KHDRBS2: variants seen among roughly 807,000 people sequenced by gnomAD.
KHDRBS2 encodes KH domain-containing, RNA-binding, signal transduction-associated protein 2.
A neutral mutation model predicts 44.3 loss-of-function variants in KHDRBS2; 26 were observed. That is an observed-to-expected ratio of 0.59 (90% CI 0.43 to 0.81). The LOEUF (loss-of-function observed/expected upper bound fraction) is 0.81. KHDRBS2 is among the 40% of genes least tolerant of loss of function. KHDRBS2 has a pLI of 0.00. For synonymous variants in KHDRBS2, 194 were observed against 151.1 expected (o/e 1.28, Z -2.08); for missense variants, 476 against 433.1 (o/e 1.10, Z -0.88).
intron 2 of KHDRBS2, among the ~76,000 whole-genome samples, chr6:62,163,295 C>A (rs1420402509): frequency 1.3e-5 from 2 of 151,954 alleles, no homozygotes; most frequent in Non-Finnish European, 2.9e-5. Context: ...GCAAAACCAG[C>A]ACCAGTGGAA....
chr6:62,073,970 G>A (rs149621317), intron 2 of KHDRBS2, among the ~76,000 whole-genome samples: 2 of 151,802 alleles, frequency 1.3e-5, no homozygotes, highest in Non-Finnish European at 2.9e-5. Flanking sequence ...AACTGAGTGG[G>A]GATCCACTTT....
intron 6 of KHDRBS2, among the ~76,000 whole-genome samples, chr6:61,788,318 T>C (rs1372380503): frequency 6.6e-6 from 1 of 151,436 alleles, no homozygotes; most frequent in Non-Finnish European, 1.5e-5. Context: ...TTAAATAAGG[T>C]TTCAGTGGTG....
At chr6:62,089,070 C>G (rs914294384) in intron 2 of KHDRBS2, among the ~76,000 whole-genome samples, 7 of 152,068 alleles carry the variant, frequency 4.6e-5, no homozygotes, top group African/African-American at 1.4e-4. Context: ...CTCTCCTCCC[C>G]TCACCAAGCT....
At chr6:61,971,138 C>T (rs1203645076) in intron 4 of KHDRBS2, among the ~76,000 whole-genome samples, 1 of 152,078 alleles carries the variant, frequency 6.6e-6, no homozygotes, top group African/African-American at 2.4e-5. Context: ...TCCAGTAAGC[C>T]ATTTGTACTT....
intron 7 of KHDRBS2, among the ~76,000 whole-genome samples, chr6:61,729,055 T>C (rs930688112): frequency 6.6e-6 from 1 of 152,076 alleles, no homozygotes; most frequent in African/African-American, 2.4e-5. Context: ...CTAGTCACAA[T>C]AGCAAAGACG....
At position 61,848,469 on chromosome 6, in the gene KHDRBS2, TTATATATATATATATATATATGTATATA is replaced by T. The variant is rs1268218078; in HGVS notation, c.810+46138_810+46165del. 2.7e-5 allele frequency among the ~76,000 whole-genome samples: 2 copies of T among 73,700 alleles called. 1 individual carries two copies. Among genetic ancestry groups the T allele is most frequent in the Non-Finnish European group, 5.1e-5 (2 of 39,580 alleles). 48.4% of individuals were successfully genotyped at this position (73,700 alleles called of 152,430 possible). A position where few individuals can be genotyped will look rare whatever the true frequency, so the allele number is the denominator to read the frequency against. On this transcript the variant is annotated intron_variant, in intron 6 of 8. Transcript: ENST00000281156. ...GGTTATATTGAGAGAAATGGAGGTT[TTATATATATATATATATATATGTATATA>T]TATATATATATATGTATATATGTAT...
intron 1 of KHDRBS2, among the ~76,000 whole-genome samples, chr6:62,234,049 C>A (rs1833311104): frequency 6.6e-6 from 1 of 151,234 alleles, no homozygotes; most frequent in Non-Finnish European, 1.5e-5. Flanking sequence ...AAAAAAAAAA[C>A]AACTGGTCAA....
chr6:62,110,198 T>C (rs1804674322), intron 2 of KHDRBS2, among the ~76,000 whole-genome samples: 1 of 152,052 alleles, frequency 6.6e-6, no homozygotes, highest in Non-Finnish European at 1.5e-5. Flanking sequence ...CTGGTGCTAA[T>C]ATGAAAGAAC....
chr6:61,956,884 A>T (rs781032034), intron 4 of KHDRBS2, among the ~76,000 whole-genome samples: 8 of 146,584 alleles, frequency 5.5e-5, no homozygotes, highest in Middle Eastern at 3.5e-3. Context: ...TGCATAGCAA[A>T]CATTCCATAG....
intron 6 of KHDRBS2, among the ~76,000 whole-genome samples, chr6:61,761,045 C>T (rs1779195468): frequency 6.6e-6 from 1 of 152,182 alleles, no homozygotes; most frequent in Non-Finnish European, 1.5e-5. Context: ...GCAGCTTTGC[C>T]TTCCGAATAT....
intron 1 of KHDRBS2, among the ~76,000 whole-genome samples, chr6:62,257,156 T>C (rs947883214): frequency 2.6e-5 from 4 of 152,110 alleles, no homozygotes; most frequent in East Asian, 1.9e-4. Flanking sequence ...GATTTGAACA[T>C]TGGCAATGTA....
chr6:62,221,261 T>C (rs1830848154), intron 1 of KHDRBS2, among the ~76,000 whole-genome samples: 1 of 151,986 alleles, frequency 6.6e-6, no homozygotes, highest in African/African-American at 2.4e-5. Context: ...AATTAAAAGG[T>C]TGAATATACA....
chr6:61,846,870 C>T (rs1458669564), intron 6 of KHDRBS2, among the ~76,000 whole-genome samples: 1 of 151,806 alleles, frequency 6.6e-6, no homozygotes, highest in Admixed American at 6.6e-5. Flanking sequence ...TTAAAAATTA[C>T]ATTTACAATA....
At chr6:62,276,063 C>G (rs761783771) in intron 1 of KHDRBS2, among the ~76,000 whole-genome samples, 4 of 152,180 alleles carry the variant, frequency 2.6e-5, no homozygotes, top group Non-Finnish European at 4.4e-5. Flanking sequence ...CAGGGCTCAT[C>G]ATTATCTAGC....
chr6:61,545,932 G>A, the KHDRBS2 span, among the ~76,000 whole-genome samples: 6 of 152,036 alleles, frequency 3.9e-5, no homozygotes, highest in African/African-American at 9.7e-5. Context: ...CCAGAAAGAC[G>A]CATCGCTATT....
intron 6 of KHDRBS2, among the ~76,000 whole-genome samples, chr6:61,881,037 A>G (rs978306733): frequency 3.3e-5 from 5 of 151,906 alleles, no homozygotes; most frequent in African/African-American, 1.2e-4. Context: ...TCAGAGGAGG[A>G]AAGATAAGAG....
chr6:61,570,993 AAAT>A, the KHDRBS2 span, among the ~76,000 whole-genome samples: 2 of 152,042 alleles, frequency 1.3e-5, no homozygotes, highest in African/African-American at 4.8e-5. Flanking sequence ...AGGGCCTATA[AAAT>A]AATAACACAA....
At chr6:62,021,148 AT>A (rs1216198597) in intron 3 of KHDRBS2, among the ~76,000 whole-genome samples, 3 of 151,964 alleles carry the variant, frequency 2.0e-5, no homozygotes, top group Admixed American at 6.6e-5. Context: ...AATACCGCCT[AT>A]TCCCACTTAT....
intron 1 of KHDRBS2, among the ~76,000 whole-genome samples, chr6:62,279,008 G>T (rs1841412781): frequency 6.6e-6 from 1 of 152,050 alleles, no homozygotes; most frequent in African/African-American, 2.4e-5. Flanking sequence ...ACAGGAGAAT[G>T]GCCTGAACCC....
Sources: gnomAD v4.1 joint callset for allele counts (sites outside exome capture counted in the v4.1 genomes callset) on GRCh38, gnomAD v4.1.1 for gene constraint, MANE v1.5 for transcripts, NCBI Gene and HGNC (gene_info 2026-07-23, HGNC 2026-07-21) for gene names.